CADM1: variants seen among roughly 807,000 people sequenced by gnomAD.
CADM1 encodes the protein cell adhesion molecule 1, also known as TSLC-1.
A neutral mutation model predicts 53.1 loss-of-function variants in CADM1; 15 were observed. The ratio of observed to expected loss-of-function variants is 0.28; its 90% CI spans 0.19 to 0.44. CADM1 has a LOEUF of 0.44. Among genes scored for constraint, CADM1 ranks in the 20% least tolerant of loss-of-function variants. The pLI, the probability that CADM1 is intolerant of heterozygous loss-of-function variation, is 1.00. For missense variants in CADM1, 434 were observed against 611.3 expected (o/e 0.71, Z 3.06); for synonymous variants, 281 against 243.0 (o/e 1.16, Z -1.45).
chr11:115,248,171 A>C (rs552197212), intron 1 of CADM1, among the ~76,000 whole-genome samples: 2 of 152,374 alleles, frequency 1.3e-5, no homozygotes, highest in African/African-American at 4.8e-5. Flanking sequence ...GGTCAAGCAC[A>C]GTCCAACTTC....
Position 115,330,303 on chromosome 11 carries a change from G to A in CADM1, c.125-89883C>T, listed in dbSNP as rs182674882. Reference sequence around the variant, plus strand: ...TCATTTACTAGATGTAAACTCTTCAGGTATCTTACTGAGTTTACAAAGCAC... The same window carrying A: ...TCATTTACTAGATGTAAACTCTTCAAGTATCTTACTGAGTTTACAAAGCAC... On this transcript the variant is annotated intron_variant, in intron 1 of 11. Transcript: ENST00000331581. Among the ~76,000 whole-genome samples the A allele has an allele frequency of 4.1e-3, 617 of 151,840 alleles. 4 individuals are homozygous for A. Among genetic ancestry groups the A allele is most frequent in the Middle Eastern group, 6.8e-3 (2 of 292 alleles).
In CADM1 at chr11:115,437,550, G is replaced by T. The variant is rs539703375; in HGVS notation, c.124+66721C>A. Among the ~76,000 whole-genome samples, 3 of 152,260 alleles carry T rather than the reference G, an allele frequency of 2.0e-5. No homozygotes were observed. The East Asian group carries it at 5.8e-4, about 29-fold the overall frequency. On this transcript the variant is annotated intron_variant, in intron 1 of 11. Coordinates refer to ENST00000331581, the MANE Select transcript of CADM1 (RefSeq NM_001301043.2). ...CCTAATCTCATCCAAAAGACATTAG[G>T]TAACCAACAGTTTCACAGAAGCAGG... is the stretch of plus-strand genomic sequence containing the variant.
intron 1 of CADM1, among the ~76,000 whole-genome samples, chr11:115,290,535 T>G (rs1943862773): frequency 6.6e-6 from 1 of 152,168 alleles, no homozygotes; most frequent in African/African-American, 2.4e-5. Context: ...CCTGATGTAT[T>G]TGATCAGGGG....
chr11:115,349,050 A>C (rs1017226336), intron 1 of CADM1, among the ~76,000 whole-genome samples: 1 of 152,216 alleles, frequency 6.6e-6, no homozygotes, highest in Non-Finnish European at 1.5e-5. Context: ...CCAGACATGC[A>C]ATCAACTCTG....
At chr11:115,315,322 ACAG>A (rs1249896247) in intron 1 of CADM1, among the ~76,000 whole-genome samples, 4 of 152,218 alleles carry the variant, frequency 2.6e-5, no homozygotes, top group African/African-American at 9.6e-5. Flanking sequence ...TGGCAAAAGG[ACAG>A]GATGGGACAC....
At chr11:115,449,142 G>C (rs183050233) in intron 1 of CADM1, among the ~76,000 whole-genome samples, 1 of 152,040 alleles carries the variant, frequency 6.6e-6, no homozygotes, top group Non-Finnish European at 1.5e-5. Flanking sequence ...AGCCACCAGC[G>C]GACCCCAACA....
At chr11:115,301,673 G>A (rs1017533452) in intron 1 of CADM1, among the ~76,000 whole-genome samples, 3 of 152,072 alleles carry the variant, frequency 2.0e-5, no homozygotes, top group Admixed American at 1.3e-4. Context: ...GGCTTAGACA[G>A]AACTTAGCTC....
At chr11:115,495,690 G>T (rs1208870636) in intron 1 of CADM1, among the ~76,000 whole-genome samples, 4 of 152,174 alleles carry the variant, frequency 2.6e-5, no homozygotes, top group African/African-American at 9.7e-5. Flanking sequence ...ATTTAGCCAG[G>T]CAGCTCTGCT....
intron 1 of CADM1, among the ~76,000 whole-genome samples, chr11:115,322,543 T>C (rs946378874): frequency 2.0e-5 from 3 of 152,206 alleles, no homozygotes; most frequent in Admixed American, 6.5e-5. Flanking sequence ...AAAGAAACTT[T>C]ATATCCACTG....
chr11:115,347,744 C>T (rs1183761392), intron 1 of CADM1, among the ~76,000 whole-genome samples: 1 of 152,132 alleles, frequency 6.6e-6, no homozygotes. Flanking sequence ...CACCATGTCA[C>T]TCATGTAAGG....
intron 1 of CADM1, among the ~76,000 whole-genome samples, chr11:115,404,844 GA>G (rs774430187): frequency 0.018 from 958 of 52,380 alleles, 4 homozygotes; most frequent in Middle Eastern, 0.078. Context: ...CCTGCCTCAG[GA>G]AAAAAAAAAA....
intron 1 of CADM1, among the ~76,000 whole-genome samples, chr11:115,453,328 G>A (rs1026624855): frequency 6.6e-6 from 1 of 151,526 alleles, no homozygotes; most frequent in African/African-American, 2.4e-5. Context: ...GATCAAGGCT[G>A]CAGTCCAGCT....
chr11:115,302,130 C>T (rs1944241182), intron 1 of CADM1, among the ~76,000 whole-genome samples: 1 of 151,806 alleles, frequency 6.6e-6, no homozygotes, highest in Admixed American at 6.6e-5. Flanking sequence ...AGAGGGGAAC[C>T]ACACACACCG....
intron 1 of CADM1, among the ~76,000 whole-genome samples, chr11:115,413,476 T>C (rs190404949): frequency 2.3e-4 from 35 of 152,272 alleles, no homozygotes; most frequent in Admixed American, 4.6e-4. Context: ...AGACACTTTG[T>C]ACATTAAAAT....
chr11:115,177,741 C>T (rs910124314), intron 11 of CADM1, among the ~76,000 whole-genome samples: 9 of 151,264 alleles, frequency 5.9e-5, no homozygotes, highest in African/African-American at 9.7e-5. Context: ...GGGCAGAGGG[C>T]GAAGTATGGA....
At chr11:115,266,192 G>GGTA (rs1943132020) in intron 1 of CADM1, among the ~76,000 whole-genome samples, 2 of 152,234 alleles carry the variant, frequency 1.3e-5, no homozygotes, top group African/African-American at 4.8e-5. Context: ...GACTGCACCA[G>GGTA]TTATTCCAGG....
rs1555055855 is a variant in CADM1 at position 115,284,087 on chromosome 11, A to ACTCTCTCTCTCTCTCTCTCTCTCC, written c.125-43668_125-43667insGGAGAGAGAGAGAGAGAGAGAGAG. On this transcript the variant is annotated intron_variant, in intron 1 of 11. Coordinates refer to ENST00000331581, the MANE Select transcript of CADM1 (RefSeq NM_001301043.2). Reference sequence around the variant, plus strand: ...AGGGTGAAGATCTACAAGCCCAGACACTCTCTCTCTCTCTCTCTCTCTCTC... The same window carrying ACTCTCTCTCTCTCTCTCTCTCTCC: ...AGGGTGAAGATCTACAAGCCCAGACACTCTCTCTCTCTCTCTCTCTCTCCCTCTCTCTCTCTCTCTCTCTCTCTC... Among the ~76,000 whole-genome samples the ACTCTCTCTCTCTCTCTCTCTCTCC allele has an allele frequency of 2.3e-4, 11 of 47,582 alleles. 2 individuals are homozygous for ACTCTCTCTCTCTCTCTCTCTCTCC. The highest frequency in any genetic ancestry group is 1.1e-3 in the African/African-American group (11 of 9,596). 31.2% of individuals were successfully genotyped at this position (47,582 alleles called of 152,430 possible).
chr11:115,413,162 A>C (rs1309853739), intron 1 of CADM1, among the ~76,000 whole-genome samples: 1 of 152,220 alleles, frequency 6.6e-6, no homozygotes, highest in Non-Finnish European at 1.5e-5. Flanking sequence ...TGTGCATAAG[A>C]AGCATTTAAT....
intron 1 of CADM1, among the ~76,000 whole-genome samples, chr11:115,393,149 A>G (rs1591773894): frequency 6.6e-6 from 1 of 151,596 alleles, no homozygotes; most frequent in South Asian, 2.1e-4. Context: ...TATAGTCTTT[A>G]AAACATATGC....
Sources: allele counts gnomAD v4.1 joint callset (sites outside exome capture counted in the v4.1 genomes callset), GRCh38; gene constraint gnomAD v4.1.1; transcripts MANE v1.5; gene names NCBI Gene and HGNC (gene_info 2026-07-23, HGNC 2026-07-21).